The following TEX101 variants were observed in gnomAD, a reference collection of about 807,000 sequenced individuals.
The protein encoded by TEX101 is testis-expressed protein 101.
In TEX101, 10 loss-of-function variants were observed where a neutral mutation model predicts 18.1. The observed-to-expected ratio is 0.55, with a 90% confidence interval of 0.34 to 0.94. The LOEUF (loss-of-function observed/expected upper bound fraction) is 0.94. Among genes scored for constraint, TEX101 ranks in the 40% least tolerant of loss-of-function variants. TEX101 has a pLI of 0.02. For synonymous variants in TEX101, 94 were observed against 114.8 expected, an observed-to-expected ratio of 0.82 and a Z score of 1.16; for missense variants, 259 against 298.9, an observed-to-expected ratio of 0.87 and a Z score of 0.98.
chr19:43,405,982 T>G (rs898703606), intron 2 of TEX101, among the ~76,000 whole-genome samples: 1 of 149,810 alleles, frequency 6.7e-6, no homozygotes, highest in African/African-American at 2.5e-5. Flanking sequence ...GGAAAAGATA[T>G]TTCATGTAAT....
At chr19:43,389,901 A>G in the TEX101 span, among the ~76,000 whole-genome samples, 1 of 151,944 alleles carries the variant, frequency 6.6e-6, no homozygotes, top group Non-Finnish European at 1.5e-5. Flanking sequence ...GAATGAATAC[A>G]GTTGTCTCCC....
chr19:43,410,286 AG>A (rs1970406936), upstream of TEX101, among the ~76,000 whole-genome samples: 1 of 152,188 alleles, frequency 6.6e-6, no homozygotes, highest in African/African-American at 2.4e-5. Context: ...AAGGACAATT[AG>A]GAGTTTGTGG....
chr19:43,402,047 T>C (rs770411747), intron 1 of TEX101, among the ~76,000 whole-genome samples: 3 of 152,236 alleles, frequency 2.0e-5, no homozygotes, highest in Non-Finnish European at 4.4e-5. Context: ...CGTTTGGAAA[T>C]GCAGTCTACA....
upstream of TEX101, among the ~76,000 whole-genome samples, chr19:43,397,006 G>A (rs8112473): frequency 2.1e-3 from 314 of 151,206 alleles, no homozygotes; most frequent in Non-Finnish European, 3.9e-3. Flanking sequence ...CCGGCTAATT[G>A]TTTGTATTTT....
intron 2 of TEX101, chr19:43,406,081 C>CAAAAAGAAAAAAAAAAAAAAA (rs1970359131): frequency 1.7e-5 from 1 of 58,814 alleles, no homozygotes; most frequent in Non-Finnish European, 3.4e-5. Flanking sequence ...CCTGTCTCTA[C>CAAAAAGAAAAAAAAAAAAAAA]AAAAAAAAAA....
intron 3 of TEX101, among the ~76,000 whole-genome samples, chr19:43,407,690 G>A (rs1232326754): frequency 1.3e-5 from 2 of 152,194 alleles, no homozygotes; most frequent in Non-Finnish European, 2.9e-5. Flanking sequence ...TCCGTGGGAT[G>A]CTGACTAAAG....
Position 43,416,358 on chromosome 19 carries a change from C to G in TEX101, c.209-15C>G. The G allele has an allele frequency of 6.2e-7, 1 of 1,607,152 alleles. No homozygotes were observed. Among genetic ancestry groups the G allele is most frequent in the South Asian group, 1.1e-5 (1 of 90,338 alleles). ...CGGCCACCATCCATTTCCCCTCCTTCCTGTCTCATAACAGGGACTGAGACA... is the reference window on the plus strand; with the variant it reads ...CGGCCACCATCCATTTCCCCTCCTTGCTGTCTCATAACAGGGACTGAGACA... On this transcript the variant is annotated splice_polypyrimidine_tract_variant and intron_variant, in intron 3 of 5. Coordinates refer to ENST00000598265, the MANE Select transcript of TEX101 (RefSeq NM_001130011.3).
At chr19:43,398,136 T>C (rs1198989713), upstream of TEX101, among the ~76,000 whole-genome samples, 31 of 47,208 alleles carry the variant, frequency 6.6e-4, 1 homozygote, top group African/African-American at 2.8e-3. Flanking sequence ...TATATAAATA[T>C]ATAATATATA....
At chr19:43,396,057 G>A in the TEX101 span, among the ~76,000 whole-genome samples, 1 of 152,106 alleles carries the variant, frequency 6.6e-6, no homozygotes, top group African/African-American at 2.4e-5. Flanking sequence ...CTCCCGGCCT[G>A]CCCTTACTCC....
chr19:43,418,322 C>G lies in TEX101; in HGVS notation c.675C>G (p.Thr225=). Reference sequence around the variant, plus strand: ...CTCGAAAGACTGAAAATGGGGCCACCTGTCTTCCCATTCCTGTTTGGGGGT... The same window carrying G: ...CTCGAAAGACTGAAAATGGGGCCACGTGTCTTCCCATTCCTGTTTGGGGGT... ...TQPRKTENGA[T]CLPIPVWGLQ... is the part of the protein sequence containing the mutation. The change falls in exon 6 of 6, where the codon ACC becomes ACG. Residue 225 remains threonine (T), a synonymous_variant. Transcript: ENST00000598265. 1.2e-6 allele frequency: 2 copies of G among 1,614,214 alleles called. No individual in the cohort carries two copies. The highest frequency in any genetic ancestry group is 1.7e-6 in the Non-Finnish European group (2 of 1,180,048).
chr19:43,398,233 T>C (rs534266951), upstream of TEX101, among the ~76,000 whole-genome samples: 159 of 110,258 alleles, frequency 1.4e-3, 2 homozygotes, highest in African/African-American at 5.2e-3. Context: ...TAACATATAA[T>C]ATATAAAATA....
the TEX101 span, among the ~76,000 whole-genome samples, chr19:43,390,610 G>A: frequency 6.6e-6 from 1 of 150,926 alleles, no homozygotes; most frequent in Admixed American, 6.6e-5. Flanking sequence ...TGAGACTACA[G>A]GTGCATGCCA....
intron 2 of TEX101, among the ~76,000 whole-genome samples, chr19:43,403,790 C>A (rs1296535778): frequency 6.6e-6 from 1 of 151,990 alleles, no homozygotes; most frequent in Non-Finnish European, 1.5e-5. Context: ...ATCTGGCCCA[C>A]AAAGACCAGA....
upstream of TEX101, among the ~76,000 whole-genome samples, chr19:43,411,141 A>G (rs150837033): frequency 1.3e-5 from 2 of 152,278 alleles, no homozygotes; most frequent in African/African-American, 4.8e-5. Flanking sequence ...CAGTAGCACA[A>G]TCTTGACTCA....
the TEX101 span, among the ~76,000 whole-genome samples, chr19:43,388,794 C>A: frequency 2.6e-5 from 4 of 152,314 alleles, no homozygotes; most frequent in East Asian, 7.7e-4. Flanking sequence ...TTAATGCTTA[C>A]TCAGTCATAA....
upstream of TEX101, among the ~76,000 whole-genome samples, chr19:43,397,736 A>G (rs1052871674): frequency 7.2e-6 from 1 of 139,772 alleles, no homozygotes; most frequent in Non-Finnish European, 1.5e-5. Flanking sequence ...TACATAGTCC[A>G]TTTTCAATCT....
intron 2 of TEX101, among the ~76,000 whole-genome samples, chr19:43,406,054 G>C (rs1024624690): frequency 7.6e-6 from 1 of 131,278 alleles, no homozygotes; most frequent in African/African-American, 3.0e-5. Flanking sequence ...AGACCAGCCC[G>C]GACAACATAA....
chr19:43,398,511 T>G (rs1161826614), upstream of TEX101, among the ~76,000 whole-genome samples: 1 of 151,978 alleles, frequency 6.6e-6, no homozygotes, highest in Non-Finnish European at 1.5e-5. Context: ...CTCGACCTCA[T>G]GATCTACCTA....
At chr19:43,412,083 G>GCACTGC (rs1970424498), upstream of TEX101, among the ~76,000 whole-genome samples, 1 of 152,210 alleles carries the variant, frequency 6.6e-6, no homozygotes, top group Non-Finnish European at 1.5e-5. Context: ...AAGGGGCTGT[G>GCACTGC]TATTGGGGTG....
Sources: allele counts gnomAD v4.1 joint callset (sites outside exome capture counted in the v4.1 genomes callset), GRCh38; gene constraint gnomAD v4.1.1; transcripts MANE v1.5; gene names NCBI Gene and HGNC (gene_info 2026-07-23, HGNC 2026-07-21).